Variants in NRG3 observed in about 807,000 individuals in gnomAD.
NRG3 encodes pro-neuregulin-3, membrane-bound isoform.
In NRG3, 31 loss-of-function variants were observed where a neutral mutation model predicts 66.9. The observed-to-expected ratio is 0.46, with a 90% CI of 0.35 to 0.63. The LOEUF is 0.63. Ranked by LOEUF, NRG3 falls within the 20% of genes least tolerant of loss-of-function variation. NRG3 has a pLI of 0.00. For synonymous variants in NRG3, 393 were observed against 359.4 expected, an observed-to-expected ratio of 1.09 and a Z score of -1.06; for missense variants, 910 against 878.9, an observed-to-expected ratio of 1.04 and a Z score of -0.45.
intron 1 of NRG3, among the ~76,000 whole-genome samples, chr10:82,329,596 T>C (rs2082045095): frequency 1.3e-5 from 2 of 152,172 alleles, no homozygotes; most frequent in Non-Finnish European, 2.9e-5. Context: ...AGGCTGTTTT[T>C]AGATCTTTTG....
intron 1 of NRG3, among the ~76,000 whole-genome samples, chr10:82,163,811 T>A (rs1246075323): frequency 6.6e-6 from 1 of 152,116 alleles, no homozygotes. Flanking sequence ...ATGCTTTTGG[T>A]ACTATGGTGA....
intron 2 of NRG3, among the ~76,000 whole-genome samples, chr10:82,630,733 A>G (rs375709987): frequency 6.6e-6 from 1 of 152,142 alleles, no homozygotes; most frequent in Admixed American, 6.5e-5. Flanking sequence ...TTTAATTTTC[A>G]TATGAATCTA....
chr10:82,517,609 C>T (rs1017026957), intron 2 of NRG3, among the ~76,000 whole-genome samples: 5 of 124,496 alleles, frequency 4.0e-5, no homozygotes, highest in African/African-American at 1.9e-4. Flanking sequence ...CACTCCTTGT[C>T]TCTCTCTCTC....
At chr10:82,493,161 A>T (rs563085397) in intron 2 of NRG3, among the ~76,000 whole-genome samples, 2 of 151,634 alleles carry the variant, frequency 1.3e-5, no homozygotes, top group African/African-American at 2.4e-5. Context: ...CATGTCTAGG[A>T]TGTGCAGGTT....
chr10:82,858,631 A>G (rs995616139), intron 3 of NRG3, among the ~76,000 whole-genome samples: 1 of 152,176 alleles, frequency 6.6e-6, no homozygotes, highest in Non-Finnish European at 1.5e-5. Flanking sequence ...TGAAAAAGTT[A>G]CTTGACAGGG....
intron 1 of NRG3, among the ~76,000 whole-genome samples, chr10:82,052,804 G>T (rs1300313860): frequency 6.6e-6 from 1 of 152,102 alleles, no homozygotes; most frequent in Non-Finnish European, 1.5e-5. Flanking sequence ...TAATAGCAAT[G>T]CAAAGTAATT....
chr10:82,431,438 C>T (rs938438995), intron 2 of NRG3, among the ~76,000 whole-genome samples: 1 of 152,146 alleles, frequency 6.6e-6, no homozygotes, highest in Non-Finnish European at 1.5e-5. Flanking sequence ...GCTCACTGTT[C>T]TTGCCAAGAT....
intron 1 of NRG3, among the ~76,000 whole-genome samples, chr10:82,027,391 A>G (rs561878903): frequency 6.6e-6 from 1 of 152,188 alleles, no homozygotes; most frequent in East Asian, 1.9e-4. Context: ...GGCCTACTTT[A>G]GACCCTTATG....
chr10:82,889,117 G>T (rs907127313), intron 4 of NRG3, among the ~76,000 whole-genome samples: 1 of 152,102 alleles, frequency 6.6e-6, no homozygotes, highest in Middle Eastern at 3.2e-3. Context: ...CGGTATTAGA[G>T]CTGATTTTTT....
In NRG3 at chr10:82,123,721, T is replaced by C. The variant is rs537772464; in HGVS notation, c.824-235018T>C. On this transcript the variant is annotated intron_variant, in intron 1 of 8. Coordinates refer to ENST00000372141, the MANE Select transcript of NRG3 (RefSeq NM_001010848.4). Reference sequence around the variant, plus strand: ...GAGGCAAGTCTAAATCAACCAAATATAGAGTCTGGAATTCTAATATAGTAG... The same window carrying C: ...GAGGCAAGTCTAAATCAACCAAATACAGAGTCTGGAATTCTAATATAGTAG... Among the ~76,000 whole-genome samples the C allele has an allele frequency of 4.6e-5, 7 of 152,256 alleles. No individual in the cohort carries two copies. In the East Asian group the frequency reaches 1.4e-3, roughly 29 times the overall value.
intron 1 of NRG3, among the ~76,000 whole-genome samples, chr10:82,108,629 A>G (rs1257201391): frequency 1.3e-5 from 2 of 152,222 alleles, no homozygotes; most frequent in Non-Finnish European, 2.9e-5. Context: ...TACTAATGTC[A>G]ATTTCATAAA....
At position 82,693,470 on chromosome 10, in the gene NRG3, G is replaced by T. The variant is rs142973960; in HGVS notation, c.954-45107G>T. 7.2e-5 allele frequency among the ~76,000 whole-genome samples: 11 copies of T among 152,286 alleles called. No homozygotes were observed. In the East Asian group the frequency reaches 1.9e-3, roughly 27 times the overall value. On this transcript the variant is annotated intron_variant, in intron 2 of 8. Transcript: ENST00000372141. ...AGAGCACTGGCACTGGAGCTAGCCT[G>T]CCCTGGTACACATCGTGGCTCCATG... is the stretch of plus-strand genomic sequence containing the variant.
chr10:82,309,297 G>A (rs754622916), intron 1 of NRG3, among the ~76,000 whole-genome samples: 3 of 151,998 alleles, frequency 2.0e-5, no homozygotes, highest in Non-Finnish European at 4.4e-5. Flanking sequence ...AAAATTAATT[G>A]GTACTAGTTT....
intron 3 of NRG3, among the ~76,000 whole-genome samples, chr10:82,852,048 A>G (rs2063586195): frequency 6.6e-6 from 1 of 152,188 alleles, no homozygotes; most frequent in Non-Finnish European, 1.5e-5. Flanking sequence ...GCATATGAGC[A>G]AGGCGGGACT....
At chr10:82,856,763 A>C (rs1221336699) in intron 3 of NRG3, among the ~76,000 whole-genome samples, 2 of 150,898 alleles carry the variant, frequency 1.3e-5, no homozygotes, top group African/African-American at 2.4e-5. Flanking sequence ...AAACAAAAAA[A>C]AAAAAAAAAA....
At chr10:82,398,487 G>GTGTA (rs1358527474) in intron 2 of NRG3, among the ~76,000 whole-genome samples, 182 of 142,514 alleles carry the variant, frequency 1.3e-3, no homozygotes, top group African/African-American at 4.5e-3. Context: ...TCTTGGCTTC[G>GTGTA]TGTATGTGTG....
At chr10:82,733,368 T>C (rs2058011262) in intron 2 of NRG3, among the ~76,000 whole-genome samples, 1 of 152,210 alleles carries the variant, frequency 6.6e-6, no homozygotes, top group Admixed American at 6.5e-5. Flanking sequence ...TTCTCCTTCC[T>C]AATACCATCT....
chr10:82,338,467 G>A (rs1274245651), intron 1 of NRG3, among the ~76,000 whole-genome samples: 3 of 151,138 alleles, frequency 2.0e-5, no homozygotes, highest in African/African-American at 4.9e-5. Context: ...TGACAGTCAC[G>A]CATGCCTTGT....
At chr10:82,655,278 G>T (rs2051750724) in intron 2 of NRG3, among the ~76,000 whole-genome samples, 1 of 151,738 alleles carries the variant, frequency 6.6e-6, no homozygotes, top group Non-Finnish European at 1.5e-5. Flanking sequence ...AAAAACAAAA[G>T]AAAAAATGAC....
Sources: allele counts gnomAD v4.1 joint callset (sites outside exome capture counted in the v4.1 genomes callset), GRCh38; gene constraint gnomAD v4.1.1; transcripts MANE v1.5; gene names NCBI Gene and HGNC (gene_info 2026-07-23, HGNC 2026-07-21).